The following FRAS1 variants were observed in gnomAD, a reference collection of about 807,000 sequenced individuals.
The protein encoded by FRAS1 is extracellular matrix organizing protein FRAS1.
Under a neutral mutation model 435.2 loss-of-function variants are expected in FRAS1, and 290 were observed. That is an observed-to-expected ratio of 0.67 (90% CI 0.61 to 0.73). FRAS1 has a LOEUF of 0.73. Ranked by LOEUF, FRAS1 falls within the 30% of genes least tolerant of loss-of-function variation. The pLI is 0.00. For missense variants in FRAS1, 4,860 were observed against 5,001.5 expected, an observed-to-expected ratio of 0.97 and a Z score of 0.85; for synonymous variants, 1,800 against 1,851.0, an observed-to-expected ratio of 0.97 and a Z score of 0.71.
At chr4:78,073,452 G>A (rs1187005647) in intron 2 of FRAS1, among the ~76,000 whole-genome samples, 1 of 151,968 alleles carries the variant, frequency 6.6e-6, no homozygotes, top group Non-Finnish European at 1.5e-5. Flanking sequence ...CAATTTTCTG[G>A]TCACACCATA....
chr4:78,384,907 C>CA (rs11315732), intron 28 of FRAS1, among the ~76,000 whole-genome samples: 3,871 of 101,520 alleles, frequency 0.038, 249 homozygotes, highest in African/African-American at 0.14. Context: ...GACCCTGTCT[C>CA]AAAAAAAAAA....
At chr4:78,463,531 G>A (rs76034082) in intron 47 of FRAS1, among the ~76,000 whole-genome samples, 1,814 of 152,268 alleles carry the variant, frequency 0.012, 30 homozygotes, top group African/African-American at 0.042. Flanking sequence ...TAAAATTATG[G>A]CAGCCAGGGA....
chr4:78,419,803 G>A (rs1397608927), intron 33 of FRAS1, among the ~76,000 whole-genome samples: 1 of 152,164 alleles, frequency 6.6e-6, no homozygotes, highest in Non-Finnish European at 1.5e-5. Context: ...AAGGTGAAGG[G>A]GAAGCAGGTA....
intron 9 of FRAS1, among the ~76,000 whole-genome samples, chr4:78,273,785 A>T (rs1000713100): frequency 2.0e-5 from 3 of 151,778 alleles, no homozygotes; most frequent in African/African-American, 4.8e-5. Flanking sequence ...CTTTTTTTGT[A>T]GTGTCTCTGC....
At chr4:78,400,979 C>A in intron 30 of FRAS1, 92 bp downstream of exon 30, 1 of 1,173,694 alleles carries the variant, frequency 8.5e-7, no homozygotes, top group Non-Finnish European at 1.2e-6. Flanking sequence ...GATTGCAATT[C>A]CAATGAACTG....
At chr4:78,374,337 C>G (rs2110311445) in intron 25 of FRAS1, 86 bp downstream of exon 25, 2 of 1,327,704 alleles carry the variant, frequency 1.5e-6, no homozygotes, top group East Asian at 4.7e-5. Context: ...TCCAAGAATA[C>G]TTAAATTAGA....
intron 2 of FRAS1, among the ~76,000 whole-genome samples, chr4:78,079,887 C>T (rs36052736): frequency 0.48 from 73,215 of 151,934 alleles, 18,767 homozygotes; most frequent in Non-Finnish European, 0.57. Flanking sequence ...AGTGAAAGCA[C>T]GCTGGCCAAA....
At chr4:78,509,580 C>T (rs998640284) in intron 63 of FRAS1, among the ~76,000 whole-genome samples, 2 of 152,156 alleles carry the variant, frequency 1.3e-5, no homozygotes, top group African/African-American at 2.4e-5. Flanking sequence ...ATGATCAGCA[C>T]GTTACAAAGC....
chr4:78,082,845 AT>A (rs1430980554), intron 2 of FRAS1, among the ~76,000 whole-genome samples: 4 of 152,164 alleles, frequency 2.6e-5, no homozygotes, highest in Non-Finnish European at 4.4e-5. Flanking sequence ...ATTAGCAGCC[AT>A]CTGATTTGCA....
chr4:78,496,578 TA>T (rs1720512768), intron 59 of FRAS1, among the ~76,000 whole-genome samples: 1 of 152,212 alleles, frequency 6.6e-6, no homozygotes. Flanking sequence ...CACCAATAAT[TA>T]AAAATGGTTT....
intron 2 of FRAS1, among the ~76,000 whole-genome samples, chr4:78,069,788 T>C (rs906640592): frequency 9.7e-3 from 7 of 724 alleles, no homozygotes; most frequent in African/African-American, 0.012. Flanking sequence ...AGGAAATAGT[T>C]TTTTTTTTTT....
Position 78,058,050 on chromosome 4 carries a change from T to G in FRAS1, c.41T>G (p.Leu14Trp). 6.2e-7 allele frequency: 1 copy of G among 1,613,836 alleles called. No individual in the cohort carries two copies. The highest frequency in any genetic ancestry group is 8.5e-7 in the Non-Finnish European group (1 of 1,179,852). The change falls in exon 1 of 74, where the codon TTG becomes TGG. Residue 14 changes from leucine (L) to tryptophan (W), a missense_variant. By Grantham distance (61) the Leu-to-Trp change is moderately conservative. Transcript: ENST00000512123. ...LKVWLGLALA[L>W]AEFAVLPHHS... ...GTGTGGCTCGGGCTGGCCCTAGCGT[T>G]GGCGGAATTTGCAGTATTGCCTCAT...
At chr4:78,539,910 TA>T (rs1721997445) in intron 73 of FRAS1, among the ~76,000 whole-genome samples, 1 of 152,248 alleles carries the variant, frequency 6.6e-6, no homozygotes, top group African/African-American at 2.4e-5. Context: ...TTTTTGTCTC[TA>T]AATATTAATC....
intron 72 of FRAS1, 77 bp from the exon 73 acceptor site, chr4:78,539,217 C>G (rs1721975253): frequency 1.4e-6 from 2 of 1,428,802 alleles, no homozygotes; most frequent in Non-Finnish European, 1.9e-6. Context: ...GTACTTTTCT[C>G]CTCCCAGTCA....
intron 2 of FRAS1, among the ~76,000 whole-genome samples, chr4:78,152,171 C>A (rs1720694129): frequency 6.6e-6 from 1 of 151,996 alleles, no homozygotes; most frequent in Non-Finnish European, 1.5e-5. Flanking sequence ...GTCAGTGTTG[C>A]CATTAAGAAA....
At position 78,407,721 on chromosome 4, in the gene FRAS1, C is replaced by G; in HGVS notation, c.4188C>G (p.His1396Gln). The change falls in exon 31 of 74, where the codon CAC (histidine) becomes CAG (glutamine). Residue 1396 changes from histidine (H) to glutamine (Q), a missense_variant. His to Gln is a conservative substitution (Grantham distance 24). Transcript: ENST00000512123. ...ACAGCCCTGCAGATGAAGGGCAGCA[C>G]CTGCCTGATGGGAGGACAGCTACCC... ...PADSPADEGQ[H>Q]LPDGRTATPT... 6.2e-7 allele frequency: 1 copy of G among 1,613,746 alleles called. No homozygotes were observed. The highest frequency in any genetic ancestry group is 8.5e-7 in the Non-Finnish European group (1 of 1,179,790).
intron 2 of FRAS1, among the ~76,000 whole-genome samples, chr4:78,153,207 C>T (rs1255003637): frequency 6.6e-6 from 1 of 152,102 alleles, no homozygotes; most frequent in Non-Finnish European, 1.5e-5. Context: ...ATTCCCCCCA[C>T]CCCTCACCCT....
chr4:78,404,626 C>T (rs1733031387), intron 30 of FRAS1, among the ~76,000 whole-genome samples: 2 of 152,296 alleles, frequency 1.3e-5, no homozygotes, highest in South Asian at 2.1e-4. Context: ...AGGTGATTCT[C>T]GTTGATGCCT....
At chr4:78,524,281 C>T (rs1721469261) in intron 69 of FRAS1, among the ~76,000 whole-genome samples, 1 of 152,112 alleles carries the variant, frequency 6.6e-6, no homozygotes, top group Admixed American at 6.5e-5. Context: ...AGGAGCTTAC[C>T]TTTGAGGTGA....
Sources: gnomAD v4.1 joint callset for allele counts (sites outside exome capture counted in the v4.1 genomes callset) on GRCh38, gnomAD v4.1.1 for gene constraint, MANE v1.5 for transcripts, NCBI Gene and HGNC (gene_info 2026-07-23, HGNC 2026-07-21) for gene names.